PGAP4: variants seen among roughly 807,000 people sequenced by gnomAD.
PGAP4 encodes the protein post-GPI attachment to proteins GalNAc transferase 4, also known as GPI-N-acetylgalactosamine transferase PGAP4.
Under a neutral mutation model 28.2 loss-of-function variants are expected in PGAP4, and 12 were observed. The ratio of observed to expected loss-of-function variants is 0.42; its 90% CI spans 0.27 to 0.69. PGAP4 has a LOEUF of 0.69. Ranked by LOEUF, PGAP4 falls within the 30% of genes least tolerant of loss-of-function variation. The pLI is 0.22. For synonymous variants in PGAP4, 205 were observed against 211.8 expected, an observed-to-expected ratio of 0.97 and a Z score of 0.28; for missense variants, 425 against 513.5, an observed-to-expected ratio of 0.83 and a Z score of 1.67.
intron 2 of PGAP4, among the ~76,000 whole-genome samples, chr9:101,530,352 GGTCCT>G (rs1827077606): frequency 2.0e-5 from 3 of 152,018 alleles, no homozygotes; most frequent in African/African-American, 7.2e-5. Context: ...GAATGACTTG[GGTCCT>G]TCAACAAATA....
intron 2 of PGAP4, among the ~76,000 whole-genome samples, chr9:101,523,641 T>A (rs1827008164): frequency 1.7e-5 from 2 of 121,196 alleles, no homozygotes; most frequent in African/African-American, 3.2e-5. Flanking sequence ...TTTTTTTTTT[T>A]TTTTTTTTTT....
chr9:101,514,131 C>T (rs145112503), intron 2 of PGAP4, among the ~76,000 whole-genome samples: 2 of 152,218 alleles, frequency 1.3e-5, no homozygotes, highest in East Asian at 3.9e-4. Context: ...AACACCCTCA[C>T]AGATAGCCAG....
intron 1 of PGAP4, among the ~76,000 whole-genome samples, chr9:101,483,250 C>T (rs944067652): frequency 6.6e-6 from 1 of 152,148 alleles, no homozygotes; most frequent in Non-Finnish European, 1.5e-5. Flanking sequence ...GTCTCAGGTC[C>T]TCAGCTATAA....
intron 2 of PGAP4, among the ~76,000 whole-genome samples, chr9:101,511,392 C>T (rs1054372865): frequency 1.3e-5 from 2 of 152,098 alleles, no homozygotes; most frequent in Admixed American, 1.3e-4. Flanking sequence ...GTTGGGGATC[C>T]CTGCTATAAA....
Position 101,475,874 on chromosome 9 carries a change from T to C in PGAP4, c.*7A>G. The stretch of plus-strand genomic sequence containing the variant: ...TGGCCAACTTCAGAAAGGCATCTCT[T>C]GGCACCCTAGAGGAGACTGGGATGA... On this transcript the variant is annotated 3_prime_UTR_variant, in exon 2 of 2. Coordinates refer to ENST00000374848, the MANE Select transcript of PGAP4 (RefSeq NM_032342.3). 1 of 1,607,948 alleles carries C rather than the reference T, an allele frequency of 6.2e-7. No homozygotes were observed. The highest frequency in any genetic ancestry group is 8.5e-7 in the Non-Finnish European group (1 of 1,177,174).
chr9:101,504,205 G>GTTTTTTTTT (rs373740296), intron 2 of PGAP4, among the ~76,000 whole-genome samples: 2 of 34,550 alleles, frequency 5.8e-5, no homozygotes, highest in Non-Finnish European at 6.0e-5. Context: ...GTGTGTGTGT[G>GTTTTTTTTT]TTTGTTTTTT....
At chr9:101,490,159 G>A (rs1387940598), upstream of PGAP4, among the ~76,000 whole-genome samples, 1 of 151,908 alleles carries the variant, frequency 6.6e-6, no homozygotes, top group African/African-American at 2.4e-5. Flanking sequence ...CTTTGTAAAG[G>A]CTCTTTACAA....
At chr9:101,519,907 G>A (rs553766998) in intron 2 of PGAP4, among the ~76,000 whole-genome samples, 7 of 152,240 alleles carry the variant, frequency 4.6e-5, no homozygotes, top group South Asian at 2.1e-4. Flanking sequence ...TGAGGTGAGA[G>A]ATGAGGATCC....
upstream of PGAP4, among the ~76,000 whole-genome samples, chr9:101,488,783 A>G (rs953302346): frequency 2.0e-5 from 3 of 152,222 alleles, no homozygotes; most frequent in Non-Finnish European, 4.4e-5. Context: ...TGAAATGCTC[A>G]GTACCTACAT....
chr9:101,522,364 A>G (rs867109540), intron 2 of PGAP4, among the ~76,000 whole-genome samples: 5 of 152,086 alleles, frequency 3.3e-5, no homozygotes, highest in East Asian at 1.9e-4. Context: ...TCTTAGGTCT[A>G]TTAGTAATTG....
At chr9:101,529,900 G>A (rs184360638) in intron 2 of PGAP4, among the ~76,000 whole-genome samples, 143 of 152,286 alleles carry the variant, frequency 9.4e-4, no homozygotes, top group African/African-American at 3.2e-3. Flanking sequence ...GCTTTCCCCC[G>A]GAAATTCTGA....
rs1039447898 is a variant in PGAP4 at position 101,486,950 on chromosome 9, C to G, written c.-79G>C. The stretch of plus-strand genomic sequence containing the variant: ...AGATCGTGCGCAACAGAAACCTACC[C>G]GGTTGGGGCGACCAGCTCGGTCCCC... On this transcript the variant is annotated splice_region_variant and 5_prime_UTR_variant, in exon 1 of 2. Transcript: ENST00000374848. This position sits in a 1 kb window ranked among gnomAD's most constrained non-coding sequence, Gnocchi z 4.7. 6.6e-6 allele frequency: 1 copy of G among 152,508 alleles called. No individual in the cohort carries two copies. Among genetic ancestry groups the G allele is most frequent in the Non-Finnish European group, 1.5e-5 (1 of 68,240 alleles). The allele number at this position is 152,508 out of a possible 1,614,324, so 9.4% of individuals were successfully genotyped here.
At chr9:101,530,208 G>A (rs374356903) in intron 2 of PGAP4, among the ~76,000 whole-genome samples, 138 of 152,338 alleles carry the variant, frequency 9.1e-4, no homozygotes, top group African/African-American at 3.1e-3. Context: ...CTAAGAGTTA[G>A]GGTGAAGACA....
chr9:101,476,111 G>C lies in PGAP4; in HGVS notation c.982C>G (p.Pro328Ala), dbSNP rs749066313. ...RLSPSLYSVV[P>A]ASQCCTPAML... ...GCTGGGGTGCAACACTGAGAGGCAG[G>C]AACCACACTGTACAGGGAAGGACTC... is the stretch of plus-strand genomic sequence containing the variant. Residue 328 changes from proline (P) to alanine (A), a missense_variant, in exon 2 of 2, where the codon CCT becomes GCT. Physicochemically the swap from Pro to Ala is conservative, Grantham distance 27. Transcript: ENST00000374848. The surrounding 1 kb of genome is among the most constrained non-coding windows in gnomAD (Gnocchi z 7.0). The C allele has an allele frequency of 6.2e-7, 1 of 1,614,096 alleles. No homozygotes were observed. Among genetic ancestry groups the C allele is most frequent in the Non-Finnish European group, 8.5e-7 (1 of 1,179,974 alleles).
rs573285711 is a variant in PGAP4, at chr9:101,484,689, A to T, written c.-78+2260T>A. ...AGAGAGCCCTCACCAAAACTTGACC[A>T]TGCTGGCACCCTGATCTGGAACTTC... is the stretch of plus-strand genomic sequence containing the variant. On this transcript the variant is annotated intron_variant, in intron 1 of 1. Transcript: ENST00000374848. 2.6e-5 allele frequency among the ~76,000 whole-genome samples: 4 copies of T among 152,282 alleles called. No individual in the cohort carries two copies. In the South Asian group the frequency reaches 8.3e-4, roughly 32 times the overall value.
intron 1 of PGAP4, among the ~76,000 whole-genome samples, chr9:101,479,116 A>G (rs1473263406): frequency 6.6e-6 from 1 of 151,952 alleles, no homozygotes; most frequent in East Asian, 1.9e-4. Flanking sequence ...ATGCAACCCC[A>G]GTCTTGCTGG....
At chr9:101,480,334 G>C (rs1826446712) in intron 1 of PGAP4, among the ~76,000 whole-genome samples, 1 of 151,900 alleles carries the variant, frequency 6.6e-6, no homozygotes, top group Non-Finnish European at 1.5e-5. Context: ...CTAGGACCCA[G>C]GCAGATAGAA....
chr9:101,474,921 G>T lies in PGAP4; in HGVS notation c.*960C>A, dbSNP rs1379701248. 6.6e-6 allele frequency: 1 copy of T among 151,570 alleles called. No individual in the cohort carries two copies. The highest frequency in any genetic ancestry group is 1.5e-5 in the Non-Finnish European group (1 of 67,998). 9.4% of individuals were successfully genotyped at this position (151,570 alleles called of 1,614,324 possible). On this transcript the variant is annotated 3_prime_UTR_variant, in exon 2 of 2. Transcript: ENST00000374848. ...AGTGATTATATGACCTGCCCAAGGTGGTCACGTCGTTAGGCCATGGCAGAG... is the reference window on the plus strand; with the variant it reads ...AGTGATTATATGACCTGCCCAAGGTTGTCACGTCGTTAGGCCATGGCAGAG...
chr9:101,503,386 A>G (rs1251586928), intron 2 of PGAP4, among the ~76,000 whole-genome samples: 5 of 151,928 alleles, frequency 3.3e-5, no homozygotes, highest in Non-Finnish European at 1.5e-5. Flanking sequence ...GTCTTATTAT[A>G]TGCTATTAAA....
Sources: gnomAD v4.1 joint callset for allele counts (sites outside exome capture counted in the v4.1 genomes callset) on GRCh38, gnomAD v4.1.1 for gene constraint, Gnocchi (gnomAD v3.1) non-coding constraint, MANE v1.5 for transcripts, NCBI Gene and HGNC (gene_info 2026-07-23, HGNC 2026-07-21) for gene names.